The following PEX5L variants were observed in gnomAD, a reference collection of about 807,000 sequenced individuals.
PEX5L encodes PEX5-related protein.
In PEX5L, 30 loss-of-function variants were observed where a neutral mutation model predicts 84.0. The observed-to-expected ratio is 0.36, with a 90% CI of 0.27 to 0.48. The LOEUF (loss-of-function observed/expected upper bound fraction) is 0.48. Ranked by LOEUF, PEX5L falls within the 20% of genes least tolerant of loss-of-function variation. The pLI is 0.99. For missense variants in PEX5L, 533 were observed against 754.6 expected (o/e 0.71, Z 3.44); for synonymous variants, 270 against 283.1 (o/e 0.95, Z 0.46).
intron 1 of PEX5L, among the ~76,000 whole-genome samples, chr3:180,002,445 T>C (rs1287827127): frequency 3.3e-5 from 5 of 152,158 alleles, no homozygotes; most frequent in Non-Finnish European, 5.9e-5. Context: ...ATATCTTTCA[T>C]TGCATTTCCC....
chr3:179,983,901 C>T (rs746661944), intron 1 of PEX5L, among the ~76,000 whole-genome samples: 2 of 151,988 alleles, frequency 1.3e-5, no homozygotes, highest in Non-Finnish European at 2.9e-5. Context: ...TGAAGTATGA[C>T]AACATTGGAA....
chr3:179,984,458 C>T (rs557649970), intron 1 of PEX5L, among the ~76,000 whole-genome samples: 4 of 152,016 alleles, frequency 2.6e-5, no homozygotes, highest in African/African-American at 9.6e-5. Flanking sequence ...ATAGTTAAAA[C>T]TTTGCTTAAT....
intron 2 of PEX5L, among the ~76,000 whole-genome samples, chr3:179,933,968 T>C (rs1300891813): frequency 1.3e-5 from 2 of 152,182 alleles, no homozygotes; most frequent in African/African-American, 2.4e-5. Context: ...CTTCTCTAGC[T>C]GGGAAGGTTG....
intron 2 of PEX5L, among the ~76,000 whole-genome samples, chr3:179,966,870 G>T (rs1783470149): frequency 6.6e-6 from 1 of 152,160 alleles, no homozygotes. Flanking sequence ...ATGAGTATGT[G>T]TTGTCTCTTC....
intron 2 of PEX5L, among the ~76,000 whole-genome samples, chr3:179,970,979 T>G (rs954200029): frequency 1.3e-5 from 2 of 152,148 alleles, no homozygotes; most frequent in Non-Finnish European, 2.9e-5. Context: ...TTACCTGGTA[T>G]GTCATTGTTT....
chr3:180,013,224 A>G (rs1442860539), intron 1 of PEX5L, among the ~76,000 whole-genome samples: 1 of 152,202 alleles, frequency 6.6e-6, no homozygotes, highest in Non-Finnish European at 1.5e-5. Context: ...TACCCATGAC[A>G]CTTTTTGTAA....
intron 2 of PEX5L, among the ~76,000 whole-genome samples, chr3:179,967,019 T>C (rs1488037999): frequency 1.3e-5 from 2 of 152,198 alleles, no homozygotes; most frequent in African/African-American, 4.8e-5. Context: ...GACAAAGCCA[T>C]AGGGCTCAAG....
At chr3:180,011,321 G>A (rs567657120) in intron 1 of PEX5L, among the ~76,000 whole-genome samples, 10 of 152,246 alleles carry the variant, frequency 6.6e-5, no homozygotes, top group African/African-American at 1.7e-4. Flanking sequence ...GGCAGTAAAC[G>A]ACGATTTAGC....
chr3:179,996,467 C>T (rs551355609), intron 1 of PEX5L, among the ~76,000 whole-genome samples: 5 of 152,180 alleles, frequency 3.3e-5, no homozygotes, highest in Admixed American at 2.0e-4. Context: ...TGGCCCACTG[C>T]GAGTGAGCTG....
At chr3:179,885,357 G>C (rs1755489719) in intron 4 of PEX5L, among the ~76,000 whole-genome samples, 1 of 152,130 alleles carries the variant, frequency 6.6e-6, no homozygotes, top group Non-Finnish European at 1.5e-5. Flanking sequence ...ATAAAAAGGG[G>C]AAATTTGGGC....
intron 1 of PEX5L, among the ~76,000 whole-genome samples, chr3:180,031,849 T>A (rs1416445600): frequency 6.6e-6 from 1 of 152,226 alleles, no homozygotes. Context: ...GTTAACAAGT[T>A]GTGTTTTAAC....
At chr3:179,895,089 A>G (rs1455827690) in intron 3 of PEX5L, among the ~76,000 whole-genome samples, 1 of 152,154 alleles carries the variant, frequency 6.6e-6, no homozygotes, top group African/African-American at 2.4e-5. Context: ...TGAGGGCCTC[A>G]TGATTTAAAA....
At position 179,807,863 on chromosome 3, in the gene PEX5L, C is replaced by T. The variant is rs201064270; in HGVS notation, c.1519-32G>A. 2.1e-5 allele frequency: 34 copies of T among 1,587,308 alleles called. No individual in the cohort carries two copies. The Admixed American group carries it at 4.7e-4, about 22-fold the overall frequency. ...ACAAAATCAGAACTTTCTAACAACC[C>T]AGTACAAGGCACAATGACAGAGCAT... On this transcript the variant is annotated intron_variant, in intron 13 of 14. Coordinates refer to ENST00000467460, the MANE Select transcript of PEX5L (RefSeq NM_016559.3).
chr3:179,854,028 G>C (rs1742961548), intron 8 of PEX5L, among the ~76,000 whole-genome samples: 2 of 141,746 alleles, frequency 1.4e-5, no homozygotes, highest in East Asian at 4.6e-4. Flanking sequence ...GCCCAGGCTG[G>C]TCTCAAACTC....
At chr3:179,896,577 GA>G (rs758628514) in intron 3 of PEX5L, among the ~76,000 whole-genome samples, 1 of 152,076 alleles carries the variant, frequency 6.6e-6, no homozygotes. Context: ...TTGGACATGT[GA>G]AAAGATTATC....
chr3:179,825,922 A>G (rs532892825), intron 8 of PEX5L, among the ~76,000 whole-genome samples: 2 of 152,362 alleles, frequency 1.3e-5, no homozygotes, highest in South Asian at 2.1e-4. Context: ...ACGGAATGCA[A>G]TCTTATAAAC....
At chr3:179,931,077 T>C (rs1170069680) in intron 2 of PEX5L, among the ~76,000 whole-genome samples, 1 of 152,158 alleles carries the variant, frequency 6.6e-6, no homozygotes, top group Admixed American at 6.5e-5. Flanking sequence ...CCCACTCACA[T>C]ACAGAAATAA....
chr3:179,816,712 G>A (rs1369954561), intron 9 of PEX5L, among the ~76,000 whole-genome samples: 1 of 151,656 alleles, frequency 6.6e-6, no homozygotes, highest in African/African-American at 2.4e-5. Flanking sequence ...GTTCTGCACA[G>A]GTATCTCAGA....
chr3:179,926,067 T>C lies in PEX5L; in HGVS notation c.94-27821A>G, dbSNP rs146944222. On this transcript the variant is annotated intron_variant, in intron 2 of 14. Coordinates refer to ENST00000467460, the MANE Select transcript of PEX5L (RefSeq NM_016559.3). ...ACTAATATTCACTCAATTGCTCAAG[T>C]CAAAAAGCCTGGCAATTATCCCACG... Among the ~76,000 whole-genome samples the C allele has an allele frequency of 2.2e-3, 336 of 152,276 alleles. 2 individuals are homozygous for C. Among genetic ancestry groups the C allele is most frequent in the African/African-American group, 7.7e-3 (320 of 41,552 alleles).
Sources: gnomAD v4.1 joint callset for allele counts (sites outside exome capture counted in the v4.1 genomes callset) on GRCh38, gnomAD v4.1.1 for gene constraint, MANE v1.5 for transcripts, NCBI Gene and HGNC (gene_info 2026-07-23, HGNC 2026-07-21) for gene names.